XRCC4: variants seen among roughly 807,000 people sequenced by gnomAD.
XRCC4 encodes X-ray repair cross complementing 4.
Under a neutral mutation model 39.1 loss-of-function variants are expected in XRCC4, and 28 were observed. The observed-to-expected ratio is 0.72, with a 90% confidence interval of 0.53 to 0.98. The LOEUF (loss-of-function observed/expected upper bound fraction) is 0.98. Ranked by LOEUF, XRCC4 falls within the 50% of genes least tolerant of loss-of-function variation. XRCC4 has a pLI of 0.00. For missense variants in XRCC4, 350 were observed against 376.4 expected (o/e 0.93, Z 0.58); for synonymous variants, 123 against 126.4 (o/e 0.97, Z 0.18).
chr5:83,242,528 C>G (rs1752953392), intron 6 of XRCC4, among the ~76,000 whole-genome samples: 1 of 152,058 alleles, frequency 6.6e-6, no homozygotes, highest in African/African-American at 2.4e-5. Flanking sequence ...TCACTGCAGC[C>G]TTGAACTCCT....
chr5:83,212,413 A>C (rs1291323137), intron 6 of XRCC4, among the ~76,000 whole-genome samples: 2 of 152,148 alleles, frequency 1.3e-5, no homozygotes, highest in African/African-American at 4.8e-5. Context: ...ATAATTTCCT[A>C]GGAATGAAGA....
chr5:83,154,984 C>T (rs1416353919), intron 3 of XRCC4, among the ~76,000 whole-genome samples: 2 of 152,120 alleles, frequency 1.3e-5, no homozygotes, highest in Non-Finnish European at 2.9e-5. Context: ...TTTTTCTATT[C>T]AGTGTTCTTG....
At position 83,083,313 on chromosome 5, in the gene XRCC4, A is replaced by G. The variant is rs11954952; in HGVS notation, c.-11+5698A>G. ...ATTCTAAAGCATTTGTCTGAGGCAT[A>G]GAAGTACTCAGTAGGTTTTGTTTGA... is the stretch of plus-strand genomic sequence containing the variant. On this transcript the variant is annotated intron_variant, in intron 1 of 7. Transcript: ENST00000396027. Among the ~76,000 whole-genome samples the G allele has an allele frequency of 4.8e-3, 736 of 152,018 alleles. 6 individuals carry two copies. The highest frequency in any genetic ancestry group is 0.016 in the African/African-American group (652 of 41,474).
intron 6 of XRCC4, among the ~76,000 whole-genome samples, chr5:83,223,815 A>G (rs953789851): frequency 7.1e-6 from 1 of 141,462 alleles, no homozygotes; most frequent in African/African-American, 2.6e-5. Context: ...GTATCTCCTA[A>G]TGCTATCCCT....
chr5:83,114,361 T>G (rs1357674026), intron 3 of XRCC4, among the ~76,000 whole-genome samples: 1 of 152,218 alleles, frequency 6.6e-6, no homozygotes, highest in Admixed American at 6.5e-5. Context: ...ATCGTCAGGC[T>G]GCAAATTTTC....
chr5:83,195,761 T>C lies in XRCC4; in HGVS notation c.316-9T>C, dbSNP rs754050668. The C allele has an allele frequency of 1.3e-6, 2 of 1,539,706 alleles. No individual in the cohort carries two copies. The highest frequency in any genetic ancestry group is 1.3e-5 in the South Asian group (1 of 76,802). On this transcript the variant is annotated splice_polypyrimidine_tract_variant and intron_variant, in intron 3 of 7. Transcript: ENST00000396027. ...TCCCCAAATTAACCATGTTTTTCTT[T>C]CATTTTAGTTCAGACTTGGTTCCTT...
At chr5:83,268,283 C>T (rs1236700358) in intron 7 of XRCC4, among the ~76,000 whole-genome samples, 1 of 152,068 alleles carries the variant, frequency 6.6e-6, no homozygotes, top group Non-Finnish European at 1.5e-5. Flanking sequence ...TAAACTTAGT[C>T]TTTACCAAAA....
At chr5:83,300,577 T>TGTGTGTGTA (rs1554072920) in intron 7 of XRCC4, among the ~76,000 whole-genome samples, 1 of 15,606 alleles carries the variant, frequency 6.4e-5, no homozygotes, top group Admixed American at 1.1e-3. Context: ...TGTGTGTGTG[T>TGTGTGTGTA]CCCTTTTTTT....
At chr5:83,347,558 AG>A (rs1756953776) in intron 7 of XRCC4, among the ~76,000 whole-genome samples, 2 of 152,182 alleles carry the variant, frequency 1.3e-5, no homozygotes, top group Non-Finnish European at 2.9e-5. Flanking sequence ...GAGAACAGCA[AG>A]GGGGATGTCT....
intron 3 of XRCC4, among the ~76,000 whole-genome samples, chr5:83,153,370 G>A (rs1453812486): frequency 1.3e-5 from 2 of 151,924 alleles, no homozygotes; most frequent in African/African-American, 4.8e-5. Context: ...CACAATGCCC[G>A]GCTAATTTTT....
chr5:83,123,500 C>T (rs1747110829), intron 3 of XRCC4, among the ~76,000 whole-genome samples: 1 of 151,192 alleles, frequency 6.6e-6, no homozygotes, highest in East Asian at 1.9e-4. Flanking sequence ...TGTGTTTTTC[C>T]ATTGGGATGT....
chr5:83,207,121 A>G (rs930244570), intron 6 of XRCC4, among the ~76,000 whole-genome samples: 13 of 152,174 alleles, frequency 8.5e-5, no homozygotes, highest in African/African-American at 3.1e-4. Context: ...AAACTTACAA[A>G]GATAATTTGT....
intron 3 of XRCC4, among the ~76,000 whole-genome samples, chr5:83,146,349 C>G (rs1467184531): frequency 1.3e-5 from 2 of 152,140 alleles, no homozygotes; most frequent in Admixed American, 6.5e-5. Flanking sequence ...AGGGAAAAAA[C>G]AAGTAATAAG....
At chr5:83,142,116 C>T (rs1453433304) in intron 3 of XRCC4, among the ~76,000 whole-genome samples, 2 of 152,100 alleles carry the variant, frequency 1.3e-5, no homozygotes, top group African/African-American at 2.4e-5. Context: ...TGTGGGCTGG[C>T]GTTTTAGCTG....
rs370314613 is a variant in XRCC4, at chr5:83,213,995, C to CA, written c.745+9078dup. 2.6e-3 allele frequency among the ~76,000 whole-genome samples: 395 copies of CA among 152,242 alleles called. 2 individuals are homozygous for CA. The highest frequency in any genetic ancestry group is 8.5e-3 in the African/African-American group (354 of 41,542). ...CAATAGATGCTGAAAAGGTACGTGA[C>CA]AAAATCCAACACACATTAATAACAA... On this transcript the variant is annotated intron_variant, in intron 6 of 7. Coordinates refer to ENST00000396027, the MANE Select transcript of XRCC4 (RefSeq NM_003401.5).
Position 83,289,774 on chromosome 5 carries a change from C to A in XRCC4, c.893+31097C>A, listed in dbSNP as rs538516430. Among the ~76,000 whole-genome samples, 356 of 151,854 alleles carry A rather than the reference C, an allele frequency of 2.3e-3. 2 individuals carry two copies. The highest frequency in any genetic ancestry group is 6.8e-3 in the Middle Eastern group (2 of 292). On this transcript the variant is annotated intron_variant, in intron 7 of 7. Coordinates refer to ENST00000396027, the MANE Select transcript of XRCC4 (RefSeq NM_003401.5). ...AGGAGGTTGAAACATGAGCAATATA[C>A]ATATCCCACGTGGGATAGGGTTCAC... is the stretch of plus-strand genomic sequence containing the variant.
chr5:83,150,547 A>C (rs1368982844), intron 3 of XRCC4, among the ~76,000 whole-genome samples: 2 of 152,190 alleles, frequency 1.3e-5, no homozygotes, highest in African/African-American at 4.8e-5. Flanking sequence ...TGATGCTTTC[A>C]ATGGTCACAG....
At chr5:83,134,859 A>G (rs7733354) in intron 3 of XRCC4, among the ~76,000 whole-genome samples, 73,482 of 151,840 alleles carry the variant, frequency 0.48, 18,733 homozygotes, top group African/African-American at 0.63. Context: ...GGCAGAAGGA[A>G]CAACTCTGGA....
intron 6 of XRCC4, among the ~76,000 whole-genome samples, chr5:83,247,350 G>A (rs1753146100): frequency 6.6e-6 from 1 of 152,122 alleles, no homozygotes; most frequent in East Asian, 1.9e-4. Flanking sequence ...GGGCCGCACA[G>A]CAGTCAGTGA....
Sources: gnomAD v4.1 joint callset for allele counts (sites outside exome capture counted in the v4.1 genomes callset) on GRCh38, gnomAD v4.1.1 for gene constraint, MANE v1.5 for transcripts, NCBI Gene and HGNC (gene_info 2026-07-23, HGNC 2026-07-21) for gene names.